Variants in HMCN2 observed in about 807,000 individuals in gnomAD.
The protein encoded by HMCN2 is hemicentin 2.
In HMCN2, 325 loss-of-function variants were observed where a neutral mutation model predicts 377.5. That is an observed-to-expected ratio of 0.86 (90% CI 0.79 to 0.94). HMCN2 has a LOEUF of 0.94. Among genes scored for constraint, HMCN2 ranks in the 40% least tolerant of loss-of-function variants. The pLI is 0.00. For missense variants in HMCN2, 4,543 were observed against 4,725.3 expected, an observed-to-expected ratio of 0.96 and a Z score of 1.13; for synonymous variants, 2,007 against 2,046.8, an observed-to-expected ratio of 0.98 and a Z score of 0.53.
chr9:130,285,634 G>A (rs567620739), intron 3 of HMCN2, among the ~76,000 whole-genome samples: 95 of 152,280 alleles, frequency 6.2e-4, no homozygotes, highest in Admixed American at 1.2e-3. Flanking sequence ...TCCTGGCATC[G>A]CCTCTGCTCC....
At chr9:130,330,431 A>G (rs962591873) in intron 22 of HMCN2, among the ~76,000 whole-genome samples, 51 of 152,276 alleles carry the variant, frequency 3.3e-4, no homozygotes, top group African/African-American at 8.9e-4. Flanking sequence ...CACCATGCCC[A>G]GTGCACTGAG....
At chr9:130,364,074 C>T (rs1840557187) in intron 40 of HMCN2, among the ~76,000 whole-genome samples, 1 of 152,244 alleles carries the variant, frequency 6.6e-6, no homozygotes, top group South Asian at 2.1e-4. Context: ...TCGATTCTAG[C>T]TCTTTCCCTT....
In HMCN2 at chr9:130,375,866, CCCCACACAGGTA is replaced by C; in HGVS notation, c.7805-4_7812del. 1 of 985,606 alleles carries C rather than the reference CCCCACACAGGTA, an allele frequency of 1.0e-6. No homozygotes were observed. The highest frequency in any genetic ancestry group is 1.2e-6 in the Non-Finnish European group (1 of 829,734). The allele number at this position is 985,606 out of a possible 1,614,324, so 61.1% of individuals were successfully genotyped here. On this transcript the variant is annotated splice_acceptor_variant and splice_polypyrimidine_tract_variant and coding_sequence_variant and intron_variant, in exon 51 of 98. Coordinates refer to ENST00000683500, the MANE Select transcript of HMCN2 (RefSeq NM_001291815.2). LOFTEE classifies it high-confidence loss of function. ...ATTTGGGGTGACCCTGGCCACTGGC[CCCCACACAGGTA>C]CCCACGGGCTGCAGATCCTGAATGC...
chr9:130,385,234 C>G (rs1483060424), intron 59 of HMCN2, among the ~76,000 whole-genome samples: 1 of 152,124 alleles, frequency 6.6e-6, no homozygotes, highest in African/African-American at 2.4e-5. Context: ...ACTGGAGCCA[C>G]AGGGGCTGAA....
intron 85 of HMCN2, among the ~76,000 whole-genome samples, chr9:130,410,972 A>C (rs1341418336): frequency 4.6e-5 from 7 of 152,226 alleles, no homozygotes; most frequent in African/African-American, 1.7e-4. Flanking sequence ...GAGCCTCAGA[A>C]TAACACTGTG....
chr9:130,311,516 A>T (rs1222571772), intron 15 of HMCN2, among the ~76,000 whole-genome samples: 3 of 152,182 alleles, frequency 2.0e-5, no homozygotes, highest in Non-Finnish European at 4.4e-5. Context: ...TCATGAGCTC[A>T]GGCAGAGAGA....
intron 73 of HMCN2, among the ~76,000 whole-genome samples, chr9:130,397,112 A>C (rs1326519488): frequency 6.6e-6 from 1 of 152,214 alleles, no homozygotes; most frequent in Non-Finnish European, 1.5e-5. Flanking sequence ...GGCAATTTAC[A>C]AAAGAAAGAG....
chr9:130,431,794 C>T (rs1281640713), intron 96 of HMCN2, among the ~76,000 whole-genome samples: 1 of 152,210 alleles, frequency 6.6e-6, no homozygotes, highest in Non-Finnish European at 1.5e-5. Flanking sequence ...AAGCCTCCGG[C>T]CTCCTGGTTA....
chr9:130,332,122 T>C (rs918090652), intron 22 of HMCN2, among the ~76,000 whole-genome samples: 58 of 152,312 alleles, frequency 3.8e-4, no homozygotes, highest in African/African-American at 1.4e-3. Context: ...GTGCCTGGAC[T>C]GCCCAGGGCC....
intron 14 of HMCN2, among the ~76,000 whole-genome samples, 197 bp downstream of exon 14, chr9:130,307,763 C>T (rs1819854221): frequency 6.6e-6 from 1 of 151,996 alleles, no homozygotes; most frequent in Non-Finnish European, 1.5e-5. Context: ...TGACACAGCT[C>T]ATGTAGGTAT....
At chr9:130,298,689 A>ATT (rs1404482060) in intron 7 of HMCN2, among the ~76,000 whole-genome samples, 1 of 152,142 alleles carries the variant, frequency 6.6e-6, no homozygotes, top group Non-Finnish European at 1.5e-5. Context: ...CCATTCCCTG[A>ATT]AGCCTGTCTG....
chr9:130,357,403 GGGAT>G (rs1211562440), intron 34 of HMCN2, among the ~76,000 whole-genome samples: 26 of 137,902 alleles, frequency 1.9e-4, no homozygotes, highest in African/African-American at 6.2e-4. Context: ...GATGGATGGA[GGGAT>G]GGATGGATGG....
At position 130,406,063 on chromosome 9, in the gene HMCN2, G is replaced by A. The variant is rs1248995047; in HGVS notation, c.12448G>A (p.Gly4150Arg). Residue 4150 changes from glycine to arginine, a missense_variant, in exon 82 of 98, where the codon GGG becomes AGG. Gly to Arg is a moderately radical substitution (Grantham distance 125). This residue lies in a region of HMCN2 where 1,073 missense variants were observed against 1,319.5 expected (regional missense o/e 0.81). Coordinates refer to ENST00000683500, the MANE Select transcript of HMCN2 (RefSeq NM_001291815.2). Reference protein sequence around the residue: ...LVLPVFTTLPGDRSLRLGDRL... With the variant: ...LVLPVFTTLPRDRSLRLGDRL... ...ACTGCCTGTGTTCACCACCCTGCCT[G>A]GGGACCGCAGCCTGCGCCTTGGGGA... 2.3e-6 allele frequency: 3 copies of A among 1,289,828 alleles called. No homozygotes were observed. Among genetic ancestry groups the A allele is most frequent in the Non-Finnish European group, 3.0e-6 (3 of 988,890 alleles). 79.9% of individuals were successfully genotyped at this position (1,289,828 alleles called of 1,614,324 possible). A position where few individuals can be genotyped will look rare whatever the true frequency, so the allele number is the denominator to read the frequency against.
In HMCN2 at chr9:130,394,439, G is replaced by C; in HGVS notation, c.10556G>C (p.Gly3519Ala). 5 of 1,289,718 alleles carry C rather than the reference G, an allele frequency of 3.9e-6. No homozygotes were observed. Among genetic ancestry groups the C allele is most frequent in the Non-Finnish European group, 5.1e-6 (5 of 988,800 alleles). The allele number at this position is 1,289,718 out of a possible 1,614,324, so 79.9% of individuals were successfully genotyped here. A position where few individuals can be genotyped will look rare whatever the true frequency, so the allele number is the denominator to read the frequency against. ...GQPTELSLTP[G>A]APMELLCDAQ... Reference sequence around the variant, plus strand: ...CCTACAGAGCTGTCGCTGACCCCCGGCGCCCCCATGGAGCTCCTCTGTGAT... The same window carrying C: ...CCTACAGAGCTGTCGCTGACCCCCGCCGCCCCCATGGAGCTCCTCTGTGAT... The change falls in exon 69 of 98, where the codon GGC (glycine) becomes GCC (alanine). Residue 3519 changes from glycine (G) to alanine (A), a missense_variant. Gly to Ala is a moderately conservative substitution (Grantham distance 60). Coordinates refer to ENST00000683500, the MANE Select transcript of HMCN2 (RefSeq NM_001291815.2). The surrounding 1 kb of genome is among the most constrained non-coding windows in gnomAD (Gnocchi z 5.1).
intron 36 of HMCN2, among the ~76,000 whole-genome samples, chr9:130,358,953 C>T (rs557660578): frequency 3.7e-4 from 56 of 152,348 alleles, no homozygotes; most frequent in Middle Eastern, 3.4e-3. Flanking sequence ...GGATCACAGG[C>T]GTGAGCCACG....
intron 85 of HMCN2, among the ~76,000 whole-genome samples, chr9:130,417,690 A>T (rs888065631): frequency 6.6e-6 from 1 of 152,108 alleles, no homozygotes; most frequent in Admixed American, 6.5e-5. Flanking sequence ...GAGGTGAGGA[A>T]TGGGCTCTCC....
chr9:130,417,068 C>T (rs1480250499), intron 85 of HMCN2, among the ~76,000 whole-genome samples: 6 of 151,772 alleles, frequency 4.0e-5, no homozygotes, highest in Admixed American at 3.9e-4. Context: ...CAGACCACCA[C>T]ACCTGGCTAA....
At chr9:130,418,518 T>C (rs1265851058) in intron 85 of HMCN2, among the ~76,000 whole-genome samples, 1 of 151,992 alleles carries the variant, frequency 6.6e-6, no homozygotes, top group Non-Finnish European at 1.5e-5. Flanking sequence ...CTGCACTCCA[T>C]CCTGGGGGAC....
intron 22 of HMCN2, among the ~76,000 whole-genome samples, chr9:130,332,232 C>CT (rs1282149437): frequency 2.0e-5 from 3 of 152,202 alleles, no homozygotes; most frequent in Non-Finnish European, 1.5e-5. Context: ...CAGTGGCTGT[C>CT]TTTCTGGAGA....
Sources: gnomAD v4.1 joint callset for allele counts (sites outside exome capture counted in the v4.1 genomes callset) on GRCh38, gnomAD v4.1.1 for gene constraint, gnomAD v4.1.1 regional missense constraint, Gnocchi (gnomAD v3.1) non-coding constraint, MANE v1.5 for transcripts, NCBI Gene and HGNC (gene_info 2026-07-23, HGNC 2026-07-21) for gene names.